Variants in ENTREP2 observed in about 807,000 individuals in gnomAD.
ENTREP2 encodes the protein endosomal transmembrane epsin interactor 2.
At chr15:29,599,856 T>C in the ENTREP2 span, among the ~76,000 whole-genome samples, 2 of 152,350 alleles carry the variant, frequency 1.3e-5, no homozygotes, top group East Asian at 1.9e-4. Context: ...AGTCCCTACA[T>C]TTCCAAGAGC....
the ENTREP2 span, among the ~76,000 whole-genome samples, chr15:29,297,268 A>G: frequency 0.16 from 24,695 of 152,118 alleles, 3,364 homozygotes; most frequent in African/African-American, 0.38. Context: ...ACACTGACAA[A>G]AGACATATGG....
At chr15:29,130,032 G>A in the ENTREP2 span, among the ~76,000 whole-genome samples, 15 of 151,966 alleles carry the variant, frequency 9.9e-5, no homozygotes, top group South Asian at 6.2e-4. Context: ...CTTATCTCCC[G>A]CCACTTCAAT....
At chr15:29,304,173 G>A in the ENTREP2 span, among the ~76,000 whole-genome samples, 2 of 152,022 alleles carry the variant, frequency 1.3e-5, no homozygotes, top group African/African-American at 2.4e-5. Flanking sequence ...GTGAGCCACC[G>A]CACCCGGCTG....
chr15:29,530,099 A>ATC, the ENTREP2 span, among the ~76,000 whole-genome samples: 1 of 152,054 alleles, frequency 6.6e-6, no homozygotes, highest in Admixed American at 6.6e-5. Context: ...TCCCGCTCAC[A>ATC]TCTCCCATGC....
chr15:29,589,574 T>G, the ENTREP2 span, among the ~76,000 whole-genome samples: 1 of 152,334 alleles, frequency 6.6e-6, no homozygotes, highest in South Asian at 2.1e-4. Flanking sequence ...CTTTATAGAA[T>G]GAAAGGAAAC....
chr15:29,435,820 A>C, the ENTREP2 span, among the ~76,000 whole-genome samples: 1 of 152,078 alleles, frequency 6.6e-6, no homozygotes, highest in Admixed American at 6.6e-5. Flanking sequence ...AACTCATCCC[A>C]GTTTGCCCTG....
the ENTREP2 span, among the ~76,000 whole-genome samples, chr15:29,202,213 T>A: frequency 2.0e-5 from 3 of 152,180 alleles, no homozygotes; most frequent in African/African-American, 7.2e-5. Flanking sequence ...AAGTATCAGC[T>A]CCTTTTTCAT....
chr15:29,479,229 T>C, the ENTREP2 span, among the ~76,000 whole-genome samples: 516 of 135,520 alleles, frequency 3.8e-3, 3 homozygotes, highest in African/African-American at 0.013. Context: ...AAAAAAAAAG[T>C]GTGTGGCACC....
At chr15:29,462,051 T>C in the ENTREP2 span, among the ~76,000 whole-genome samples, 2 of 152,196 alleles carry the variant, frequency 1.3e-5, no homozygotes, top group African/African-American at 4.8e-5. Context: ...CATGTCAAGG[T>C]TCATCCATGG....
chr15:29,339,463 G>A, the ENTREP2 span, among the ~76,000 whole-genome samples: 3 of 152,166 alleles, frequency 2.0e-5, no homozygotes, highest in Non-Finnish European at 4.4e-5. Context: ...GTGCAGCTTC[G>A]GGATGTGGGG....
At chr15:29,655,629 T>C in the ENTREP2 span, among the ~76,000 whole-genome samples, 1 of 152,092 alleles carries the variant, frequency 6.6e-6, no homozygotes, top group Non-Finnish European at 1.5e-5. Flanking sequence ...GTGAAAGGCT[T>C]GTGGAAAAAT....
At chr15:29,443,821 G>A in the ENTREP2 span, among the ~76,000 whole-genome samples, 3 of 151,990 alleles carry the variant, frequency 2.0e-5, no homozygotes, top group South Asian at 2.1e-4. Flanking sequence ...ATAAAAAGAA[G>A]GGGCCGGGCG....
chr15:29,166,247 T>G, the ENTREP2 span, among the ~76,000 whole-genome samples: 1 of 152,114 alleles, frequency 6.6e-6, no homozygotes, highest in African/African-American at 2.4e-5. Context: ...AAGCGTTCCC[T>G]CTGAGAACTG....
the ENTREP2 span, among the ~76,000 whole-genome samples, chr15:29,196,131 C>T: frequency 1.3e-5 from 2 of 152,018 alleles, no homozygotes; most frequent in Non-Finnish European, 2.9e-5. Context: ...TCAGAAAAGC[C>T]GTAGAATGAT....
At chr15:29,437,683 T>G in the ENTREP2 span, among the ~76,000 whole-genome samples, 1 of 152,352 alleles carries the variant, frequency 6.6e-6, no homozygotes, top group East Asian at 1.9e-4. Context: ...GTAGGTTGGA[T>G]AAAATGTGCT....
chr15:29,445,810 T>A, the ENTREP2 span, among the ~76,000 whole-genome samples: 1 of 152,168 alleles, frequency 6.6e-6, no homozygotes, highest in East Asian at 1.9e-4. Flanking sequence ...GATCACAACC[T>A]GGGATTTGCA....
the ENTREP2 span, among the ~76,000 whole-genome samples, chr15:29,485,362 G>A: frequency 2.0e-5 from 3 of 152,244 alleles, no homozygotes; most frequent in South Asian, 2.1e-4. Flanking sequence ...CCTGGTTCCC[G>A]AGGGTGCAGA....
At chr15:29,192,042 G>T in the ENTREP2 span, among the ~76,000 whole-genome samples, 2 of 152,178 alleles carry the variant, frequency 1.3e-5, no homozygotes, top group African/African-American at 4.8e-5. Flanking sequence ...GTGCCAGTGG[G>T]AAAGAGAGCT....
the ENTREP2 span, among the ~76,000 whole-genome samples, chr15:29,403,879 A>G: frequency 6.6e-6 from 1 of 151,878 alleles, no homozygotes. Flanking sequence ...GAATCCGCAC[A>G]CTCTCAGCCC....
Sources: allele counts gnomAD v4.1 joint callset (sites outside exome capture counted in the v4.1 genomes callset), GRCh38; gene constraint gnomAD v4.1.1; transcripts MANE v1.5; gene names NCBI Gene and HGNC (gene_info 2026-07-23, HGNC 2026-07-21).